The following ABR variants were observed in gnomAD, a reference collection of about 807,000 sequenced individuals.
ABR encodes active breakpoint cluster region-related protein.
Under a neutral mutation model 107.2 loss-of-function variants are expected in ABR, and 35 were observed. The observed-to-expected ratio is 0.33, with a 90% CI of 0.25 to 0.43. ABR has a LOEUF of 0.43. Among genes scored for constraint, ABR ranks in the 20% least tolerant of loss-of-function variants. The pLI is 1.00. For synonymous variants in ABR, 498 were observed against 462.0 expected (o/e 1.08, Z -1.00); for missense variants, 815 against 1,115.2 (o/e 0.73, Z 3.83).
chr17:1,062,994 T>C (rs551669779), intron 10 of ABR, among the ~76,000 whole-genome samples: 2 of 142,820 alleles, frequency 1.4e-5, no homozygotes, highest in South Asian at 2.3e-4. Flanking sequence ...CATGTTCCTC[T>C]AGACACTGTT....
At chr17:1,118,244 T>C (rs1204486539) in intron 2 of ABR, among the ~76,000 whole-genome samples, 3 of 92,884 alleles carry the variant, frequency 3.2e-5, no homozygotes, top group African/African-American at 8.8e-5. Context: ...ACCCTGAGCC[T>C]GAGTTCCTCC....
chr17:1,143,974 G>T (rs1308037502), intron 1 of ABR, among the ~76,000 whole-genome samples: 1 of 152,120 alleles, frequency 6.6e-6, no homozygotes, highest in Non-Finnish European at 1.5e-5. Context: ...GCCCAGGGAG[G>T]TTGTCAAAGT....
At position 1,096,718 on chromosome 17, in the gene ABR, G is replaced by T. The variant is rs556015599; in HGVS notation, c.345+3919C>A. 6.1e-5 allele frequency among the ~76,000 whole-genome samples: 9 copies of T among 146,466 alleles called. No individual in the cohort carries two copies. The East Asian group carries it at 8.2e-4, about 13-fold the overall frequency. On this transcript the variant is annotated intron_variant, in intron 3 of 22. Transcript: ENST00000302538. ...GCCCCGGGAGGAGAGAGCTGGGGAA[G>T]GGGGGGAACCTGCCCCGGGAGGAGA...
chr17:1,138,151 G>A (rs1330533413), intron 1 of ABR, among the ~76,000 whole-genome samples: 1 of 151,524 alleles, frequency 6.6e-6, no homozygotes, highest in Non-Finnish European at 1.5e-5. Context: ...TGATCCACCC[G>A]CCTCAGCCTC....
intron 14 of ABR, among the ~76,000 whole-genome samples, chr17:1,053,770 T>C (rs1328627075): frequency 6.6e-6 from 1 of 152,046 alleles, no homozygotes; most frequent in Non-Finnish European, 1.5e-5. Flanking sequence ...ACGGGTCGGC[T>C]CCCTGAGGCG....
chr17:1,095,265 G>A (rs951599270), intron 3 of ABR, among the ~76,000 whole-genome samples: 16 of 152,158 alleles, frequency 1.1e-4, no homozygotes, highest in East Asian at 3.9e-4. Context: ...TTCCCACCCC[G>A]TCTGCAAAAG....
chr17:1,074,736 C>T (rs750719003), intron 6 of ABR, among the ~76,000 whole-genome samples: 14 of 152,246 alleles, frequency 9.2e-5, no homozygotes, highest in Non-Finnish European at 1.9e-4. Context: ...CAGAAAGGCT[C>T]TGCTCCCCGA....
chr17:1,160,282 C>A (rs867793574), intron 1 of ABR, among the ~76,000 whole-genome samples: 22 of 148,812 alleles, frequency 1.5e-4, no homozygotes, highest in South Asian at 6.4e-4. Context: ...CAAAAAAAAA[C>A]CACACACACA....
At chr17:1,187,843 G>C (rs995338254), upstream of ABR, among the ~76,000 whole-genome samples, 1 of 151,804 alleles carries the variant, frequency 6.6e-6, no homozygotes, top group South Asian at 2.1e-4. Context: ...GCAGTGAGCC[G>C]AGATCATGCC....
At chr17:1,057,132 G>C (rs374410941) in intron 12 of ABR, 30 bp from the exon 13 acceptor site, 1 of 1,472,500 alleles carries the variant, frequency 6.8e-7, no homozygotes, top group African/African-American at 1.4e-5. Flanking sequence ...AGAAGGGAGC[G>C]TGGGCACTGG....
At chr17:1,169,219 C>T (rs144757868) in intron 1 of ABR, among the ~76,000 whole-genome samples, 1 of 152,212 alleles carries the variant, frequency 6.6e-6, no homozygotes, top group Non-Finnish European at 1.5e-5. Context: ...GCAGAGAAGA[C>T]CTGGTGCGTC....
At chr17:1,113,336 G>C (rs530087897) in intron 2 of ABR, among the ~76,000 whole-genome samples, 63 of 136,216 alleles carry the variant, frequency 4.6e-4, no homozygotes, top group African/African-American at 1.6e-3. Context: ...ACCCAGGCTG[G>C]AGTGCAGTGG....
chr17:1,045,735 C>A (rs1393917260), intron 16 of ABR, among the ~76,000 whole-genome samples: 1 of 152,252 alleles, frequency 6.6e-6, no homozygotes, highest in Non-Finnish European at 1.5e-5. Flanking sequence ...TGGCTGACAT[C>A]TAGCATTCTT....
At chr17:1,081,397 G>C (rs1459679628) in intron 5 of ABR, among the ~76,000 whole-genome samples, 1 of 151,968 alleles carries the variant, frequency 6.6e-6, no homozygotes, top group Non-Finnish European at 1.5e-5. Flanking sequence ...TGACTCCATG[G>C]AGAGGGACTT....
chr17:1,097,780 A>G (rs4968081), intron 3 of ABR, among the ~76,000 whole-genome samples: 51,094 of 151,968 alleles, frequency 0.34, 9,182 homozygotes, highest in Middle Eastern at 0.46. Flanking sequence ...ACTCCTTTCA[A>G]ATACACACCC....
At chr17:1,117,742 C>G (rs2039088570) in intron 2 of ABR, among the ~76,000 whole-genome samples, 5 of 88,152 alleles carry the variant, frequency 5.7e-5, no homozygotes, top group African/African-American at 1.0e-4. Context: ...CAGCGTTAAC[C>G]CTGAGCCTGA....
rs2042039141 is a variant in ABR, at chr17:1,179,426, T to C, written c.61+241A>G. Among the ~76,000 whole-genome samples, 1 of 151,582 alleles carries C rather than the reference T, an allele frequency of 6.6e-6. No individual in the cohort carries two copies. Among genetic ancestry groups the C allele is most frequent in the African/African-American group, 2.4e-5 (1 of 41,228 alleles). ...GCCCCCGGACCGCAGGAATCCTCTCTGGGGACCCCCCGCCCGCGCCCCCCA... is the reference window on the plus strand; with the variant it reads ...GCCCCCGGACCGCAGGAATCCTCTCCGGGGACCCCCCGCCCGCGCCCCCCA... On this transcript the variant is annotated intron_variant, in intron 1 of 22. Transcript: ENST00000302538. The surrounding 1 kb of genome is among the most constrained non-coding windows in gnomAD (Gnocchi z 4.9).
At chr17:1,176,483 T>G (rs1235848080) in intron 1 of ABR, among the ~76,000 whole-genome samples, 2 of 152,214 alleles carry the variant, frequency 1.3e-5, no homozygotes, top group Admixed American at 6.5e-5. Context: ...TGATTTATGC[T>G]AACTGAGCCT....
chr17:1,005,855 G>A lies in ABR; in HGVS notation c.*225C>T, dbSNP rs562178600. ...CACGGAGCATCAGACACAACTAGAG[G>A]TATGGAGGGCAGGAGGTGGGATGCG... On this transcript the variant is annotated 3_prime_UTR_variant, in exon 23 of 23. Transcript: ENST00000302538. The A allele has an allele frequency of 5.9e-4, 352 of 596,318 alleles. 1 individual carries two copies. The highest frequency in any genetic ancestry group is 9.8e-4 in the Non-Finnish European group (327 of 333,242). 36.9% of individuals were successfully genotyped at this position (596,318 alleles called of 1,614,324 possible). A position where few individuals can be genotyped will look rare whatever the true frequency, so the allele number is the denominator to read the frequency against.
Sources: allele counts gnomAD v4.1 joint callset (sites outside exome capture counted in the v4.1 genomes callset), GRCh38; gene constraint gnomAD v4.1.1; non-coding constraint Gnocchi (gnomAD v3.1); transcripts MANE v1.5; gene names NCBI Gene and HGNC (gene_info 2026-07-23, HGNC 2026-07-21).